The following CGREF1 variants were observed in gnomAD, a reference collection of about 807,000 sequenced individuals.
CGREF1 encodes the protein cell growth regulator with EF-hand domain 1, also known as cell growth regulator with EF hand domain protein 1.
CGREF1 carries 16 observed loss-of-function variants against 17.4 expected under a neutral mutation model. That is an observed-to-expected ratio of 0.92 (90% CI 0.62 to 1.40). The LOEUF (loss-of-function observed/expected upper bound fraction) is 1.40. Ranked by LOEUF, CGREF1 falls within the 40% of genes most tolerant of loss-of-function variation. The pLI, the probability that CGREF1 is intolerant of heterozygous loss-of-function variation, is 0.00. For synonymous variants in CGREF1, 142 were observed against 154.6 expected, an observed-to-expected ratio of 0.92 and a Z score of 0.61; for missense variants, 296 against 376.4, an observed-to-expected ratio of 0.79 and a Z score of 1.77.
At chr2:27,113,374 T>C (rs1391199338) in intron 1 of CGREF1, among the ~76,000 whole-genome samples, 1 of 152,280 alleles carries the variant, frequency 6.6e-6, no homozygotes, top group African/African-American at 2.4e-5. Context: ...AGATATAAGT[T>C]TGTACAATAA....
chr2:27,102,459 G>T (rs369317223), intron 3 of CGREF1, 29 bp from the exon 4 acceptor site: 2 of 1,613,570 alleles, frequency 1.2e-6, no homozygotes, highest in Non-Finnish European at 1.7e-6. Flanking sequence ...ATCAGCCCGG[G>T]AGAGGTGAGT....
intron 1 of CGREF1, among the ~76,000 whole-genome samples, chr2:27,109,373 A>AG (rs1369640618): frequency 1.4e-5 from 2 of 139,782 alleles, no homozygotes; most frequent in East Asian, 2.0e-4. Context: ...CCCTGTCTTA[A>AG]AAAAAAAAAA....
At chr2:27,111,905 A>G (rs954920418) in intron 1 of CGREF1, among the ~76,000 whole-genome samples, 1 of 152,176 alleles carries the variant, frequency 6.6e-6, no homozygotes, top group Non-Finnish European at 1.5e-5. Context: ...CAGTACAGAA[A>G]GGGGCTCCCA....
Position 27,101,129 on chromosome 2 carries a change from C to A in CGREF1, c.*145G>T. The A allele has an allele frequency of 7.0e-7, 1 of 1,433,252 alleles. No individual in the cohort carries two copies. The highest frequency in any genetic ancestry group is 1.6e-5 in the South Asian group (1 of 60,906). 88.8% of individuals were successfully genotyped at this position (1,433,252 alleles called of 1,614,324 possible). A position where few individuals can be genotyped will look rare whatever the true frequency, so the allele number is the denominator to read the frequency against. On this transcript the variant is annotated 3_prime_UTR_variant, in exon 6 of 6. Transcript: ENST00000402394. Reference sequence around the variant, plus strand: ...ATCTGCCCCTTAACTTAGGGTCTCCCTGAGCTGCACAGAAAGACCTGATAC... The same window carrying A: ...ATCTGCCCCTTAACTTAGGGTCTCCATGAGCTGCACAGAAAGACCTGATAC...
At chr2:27,104,740 A>G (rs1215251462) in intron 1 of CGREF1, 2 of 1,512,260 alleles carry the variant, frequency 1.3e-6, no homozygotes, top group South Asian at 2.5e-5. Context: ...CATCTTACAG[A>G]TGGAAAGGAG....
intron 1 of CGREF1, among the ~76,000 whole-genome samples, chr2:27,118,286 C>T (rs1671662898): frequency 6.6e-6 from 1 of 152,180 alleles, no homozygotes; most frequent in African/African-American, 2.4e-5. Context: ...CCGGCAGTTC[C>T]ATCTCCTGTA....
chr2:27,099,886 T>C (rs1670700598), downstream of CGREF1: 2 of 1,544,274 alleles, frequency 1.3e-6, no homozygotes, highest in Non-Finnish European at 1.8e-6. Context: ...TCTGCCTGTG[T>C]CCTGTGTTCC....
intron 1 of CGREF1, among the ~76,000 whole-genome samples, chr2:27,107,905 G>T (rs1210817071): frequency 7.6e-6 from 1 of 130,960 alleles, no homozygotes; most frequent in Non-Finnish European, 1.6e-5. Context: ...CTGCACTCCA[G>T]CCTGGGCCAC....
chr2:27,106,033 A>C (rs936941280), intron 1 of CGREF1, among the ~76,000 whole-genome samples: 3 of 152,334 alleles, frequency 2.0e-5, no homozygotes, highest in Non-Finnish European at 2.9e-5. Flanking sequence ...AAGAGAAGAC[A>C]AGGTCCTGGG....
Position 27,101,608 on chromosome 2 carries a change from G to C in CGREF1, c.623C>G (p.Pro208Arg). The change falls in exon 6 of 6, where the codon CCT becomes CGT. Residue 208 changes from proline (P) to arginine (R), a missense_variant. Transcript: ENST00000402394. Reference sequence around the variant, plus strand: ...TCCATCAGCCTCTGCCTGGCCCCCAGGCTCCTGGACAGGATCCAAAGACTC... The same window carrying C: ...TCCATCAGCCTCTGCCTGGCCCCCACGCTCCTGGACAGGATCCAAAGACTC... ...RRESLDPVQE[P>R]GGQAEADGDV... is the part of the protein sequence containing the mutation. 6.2e-7 allele frequency: 1 copy of C among 1,614,042 alleles called. No individual in the cohort carries two copies. Among genetic ancestry groups the C allele is most frequent in the Non-Finnish European group, 8.5e-7 (1 of 1,180,026 alleles).
chr2:27,117,209 C>A (rs116476042), intron 1 of CGREF1, among the ~76,000 whole-genome samples: 5,536 of 152,100 alleles, frequency 0.036, 340 homozygotes, highest in African/African-American at 0.13. Flanking sequence ...CTGCACCTGG[C>A]CAATATTCTA....
At chr2:27,111,886 G>A (rs1393654074) in intron 1 of CGREF1, among the ~76,000 whole-genome samples, 4 of 152,214 alleles carry the variant, frequency 2.6e-5, no homozygotes, top group African/African-American at 7.2e-5. Flanking sequence ...AGCCGGCTCC[G>A]GCCTTGGCCA....
At position 27,101,896 on chromosome 2, in the gene CGREF1, A is replaced by G. The variant is rs1670880862; in HGVS notation, c.343-8T>C. ...GTCCACTATCAAGATCACCTGTGGA[A>G]GCAGAGTCACTGTGGGGTCTCCAGG... On this transcript the variant is annotated splice_polypyrimidine_tract_variant and splice_region_variant and intron_variant, in intron 5 of 5. Coordinates refer to ENST00000402394, the MANE Select transcript of CGREF1 (RefSeq NM_006569.6). The G allele has an allele frequency of 1.2e-6, 2 of 1,608,086 alleles. No homozygotes were observed. Among genetic ancestry groups the G allele is most frequent in the Non-Finnish European group, 8.5e-7 (1 of 1,177,430 alleles).
chr2:27,099,751 G>C, downstream of CGREF1: 1 of 1,613,930 alleles, frequency 6.2e-7, no homozygotes, highest in Non-Finnish European at 8.5e-7. Context: ...CATCGTGTGA[G>C]AGCAGGTGCC....
chr2:27,106,774 G>A (rs2148387620), intron 1 of CGREF1, among the ~76,000 whole-genome samples: 1 of 152,236 alleles, frequency 6.6e-6, no homozygotes, highest in African/African-American at 2.4e-5. Flanking sequence ...GTGCCACCAT[G>A]CCCAGCTAAT....
Position 27,102,508 on chromosome 2 carries a change from C to T in CGREF1, c.146+18G>A. 3 of 1,613,938 alleles carry T rather than the reference C, an allele frequency of 1.9e-6. No homozygotes were observed. The highest frequency in any genetic ancestry group is 2.5e-6 in the Non-Finnish European group (3 of 1,179,834). On this transcript the variant is annotated intron_variant, in intron 3 of 5. Coordinates refer to ENST00000402394, the MANE Select transcript of CGREF1 (RefSeq NM_006569.6). The stretch of plus-strand genomic sequence containing the variant: ...CCTGGTCTTCTCCCTGAAAGCACCC[C>T]CGGCCCACCCTACTCACCCGAGCTG...
chr2:27,102,181 A>C lies in CGREF1; in HGVS notation c.258T>G (p.Ser86Arg), dbSNP rs1670904669. 2 of 1,612,356 alleles carry C rather than the reference A, an allele frequency of 1.2e-6. No individual in the cohort carries two copies. The highest frequency in any genetic ancestry group is 1.7e-6 in the Non-Finnish European group (2 of 1,178,724). Reference sequence around the variant, plus strand: ...GCAGCTCCAGGCCATCCAGCTGTCCACTCTGGTCATAGTCATGGAGGGCAA... The same window carrying C: ...GCAGCTCCAGGCCATCCAGCTGTCCCCTCTGGTCATAGTCATGGAGGGCAA... ...YLFALHDYDQ[S>R]GQLDGLELLS... Residue 86 changes from serine to arginine, a missense_variant, in exon 5 of 6, where the codon AGT becomes AGG. Ser to Arg is a moderately radical substitution (Grantham distance 110, BLOSUM62 -1). This residue lies in a region of CGREF1 where 247 missense variants were observed against 267.2 expected (regional missense o/e 0.92). Transcript: ENST00000402394.
At chr2:27,111,246 AG>A in intron 1 of CGREF1, among the ~76,000 whole-genome samples, 1 of 152,158 alleles carries the variant, frequency 6.6e-6, no homozygotes, top group Non-Finnish European at 1.5e-5. Context: ...CTAGACACAA[AG>A]GTTCTCCACG....
intron 1 of CGREF1, among the ~76,000 whole-genome samples, chr2:27,112,429 C>CAA (rs1671425795): frequency 3.3e-5 from 5 of 152,060 alleles, no homozygotes; most frequent in Admixed American, 2.0e-4. Flanking sequence ...AAAACTGATG[C>CAA]AAAAAGAAAT....
Sources: allele counts gnomAD v4.1 joint callset (sites outside exome capture counted in the v4.1 genomes callset), GRCh38; gene constraint gnomAD v4.1.1; regional missense constraint gnomAD v4.1.1; transcripts MANE v1.5; gene names NCBI Gene and HGNC (gene_info 2026-07-23, HGNC 2026-07-21).